Variants in CENPO observed in about 807,000 individuals in gnomAD.
CENPO encodes the protein centromere protein O.
Under a neutral mutation model 36.1 loss-of-function variants are expected in CENPO, and 30 were observed. The ratio of observed to expected loss-of-function variants is 0.83; its 90% CI spans 0.62 to 1.13. CENPO has a LOEUF of 1.13. Among genes scored for constraint, CENPO ranks in the 50% most tolerant of loss-of-function variants. The probability of loss-of-function intolerance (pLI) is 0.00; values close to 1 mark genes in which losing one functional copy is unlikely to be tolerated. For synonymous variants in CENPO, 171 were observed against 142.3 expected (o/e 1.20, Z -1.44); for missense variants, 349 against 357.8 (o/e 0.98, Z 0.20).
chr2:24,821,367 G>T lies in CENPO; in HGVS notation c.*2049G>T. On this transcript the variant is annotated 3_prime_UTR_variant, in exon 8 of 8. Coordinates refer to ENST00000380834, the MANE Select transcript of CENPO (RefSeq NM_001322101.2). ...TCATCTAGAGTCGTCTGGACTAAAG[G>T]TCTTTCAGGTCTCCTTGCCCTGTGA... 1 of 1,166,196 alleles carries T rather than the reference G, an allele frequency of 8.6e-7. No individual in the cohort carries two copies. The highest frequency in any genetic ancestry group is 1.2e-6 in the Non-Finnish European group (1 of 830,036). 72.2% of individuals were successfully genotyped at this position (1,166,196 alleles called of 1,614,324 possible).
intron 3 of CENPO, among the ~76,000 whole-genome samples, chr2:24,800,192 C>T (rs890660225): frequency 1.3e-5 from 2 of 152,062 alleles, no homozygotes; most frequent in East Asian, 1.9e-4. Flanking sequence ...GGCTGAGGCA[C>T]GAATTGCACC....
At chr2:24,809,837 A>G (rs1464774404) in intron 3 of CENPO, among the ~76,000 whole-genome samples, 1 of 151,988 alleles carries the variant, frequency 6.6e-6, no homozygotes, top group East Asian at 1.9e-4. Flanking sequence ...GTTGGCTCTT[A>G]TATTCTACAT....
intron 3 of CENPO, among the ~76,000 whole-genome samples, chr2:24,806,321 A>G (rs559756459): frequency 1.8e-4 from 28 of 152,172 alleles, no homozygotes; most frequent in African/African-American, 4.6e-4. Flanking sequence ...GTGTGCTGCA[A>G]CCACTGTCCT....
chr2:24,814,438 A>G lies in CENPO; in HGVS notation c.279A>G (p.Ala93=). Residue 93 remains alanine (A), a synonymous_variant, in exon 4 of 8, where the codon GCA becomes GCG. Coordinates refer to ENST00000380834, the MANE Select transcript of CENPO (RefSeq NM_001322101.2). ...CAGTGGAGATCAATGAGCAAGAAGC[A>G]TTGGAAGAGAAATTGGAAAATGTGA... is the stretch of plus-strand genomic sequence containing the variant. ...NQTVEINEQE[A]LEEKLENVKA... is the part of the protein sequence containing the mutation. 1.2e-6 allele frequency: 2 copies of G among 1,608,846 alleles called. No individual in the cohort carries two copies. Among genetic ancestry groups the G allele is most frequent in the Non-Finnish European group, 1.7e-6 (2 of 1,175,162 alleles).
chr2:24,795,185 A>C (rs1665838343), intron 2 of CENPO, among the ~76,000 whole-genome samples: 1 of 152,204 alleles, frequency 6.6e-6, no homozygotes. Context: ...TTGGATTATC[A>C]AGAGACTTAG....
At chr2:24,816,536 G>T in intron 5 of CENPO, 110 bp from the exon 6 acceptor site, 1 of 724,196 alleles carries the variant, frequency 1.4e-6, no homozygotes. Flanking sequence ...TTATTTCTCT[G>T]AAATGTAATC....
chr2:24,815,206 C>T (rs986893030), intron 4 of CENPO, among the ~76,000 whole-genome samples: 2 of 150,468 alleles, frequency 1.3e-5, no homozygotes, highest in African/African-American at 4.9e-5. Flanking sequence ...CCACCGCACT[C>T]CAGCCTGGGT....
chr2:24,821,320 A>G lies in CENPO; in HGVS notation c.*2002A>G, dbSNP rs1306672642. On this transcript the variant is annotated 3_prime_UTR_variant, in exon 8 of 8. Transcript: ENST00000380834. ...AGGCACAGTATAGTCGGATCATCAC[A>G]TCAGCTGGGTTTTTGGTTTAGTCAT... 2.2e-5 allele frequency: 15 copies of G among 692,400 alleles called. No homozygotes were observed. Among genetic ancestry groups the G allele is most frequent in the Non-Finnish European group, 3.5e-5 (15 of 424,616 alleles). 42.9% of individuals were successfully genotyped at this position (692,400 alleles called of 1,614,324 possible).
intron 3 of CENPO, among the ~76,000 whole-genome samples, chr2:24,801,170 GGTT>G (rs1666147353): frequency 1.3e-5 from 2 of 152,118 alleles, no homozygotes. Context: ...TTTTTGATGG[GGTT>G]GTTTGTTTTT....
chr2:24,817,355 G>A (rs1412516281), intron 6 of CENPO, among the ~76,000 whole-genome samples: 1 of 151,640 alleles, frequency 6.6e-6, no homozygotes, highest in Non-Finnish European at 1.5e-5. Flanking sequence ...CAGAAATTTT[G>A]AAGCTGCCCC....
chr2:24,807,558 G>T (rs1480211358), intron 3 of CENPO, among the ~76,000 whole-genome samples: 1 of 152,132 alleles, frequency 6.6e-6, no homozygotes, highest in Non-Finnish European at 1.5e-5. Context: ...GGTTATTGGG[G>T]TTATTTCACT....
Position 24,814,562 on chromosome 2 carries a change from T to TATC in CENPO, c.334+71_334+73dup. 1.0e-5 allele frequency: 8 copies of TATC among 785,064 alleles called. No individual in the cohort carries two copies. In the South Asian group the frequency reaches 1.1e-4, roughly 11 times the overall value. 48.6% of individuals were successfully genotyped at this position (785,064 alleles called of 1,614,324 possible). ...TAGTGAGTTAGTTTGCTAGATGTGT[T>TATC]ATCAGTCCTGGAATTATTTCATAAT... is the stretch of plus-strand genomic sequence containing the variant. On this transcript the variant is annotated intron_variant, in intron 4 of 7. Coordinates refer to ENST00000380834, the MANE Select transcript of CENPO (RefSeq NM_001322101.2).
At chr2:24,818,202 C>T (rs1182846899) in intron 7 of CENPO, among the ~76,000 whole-genome samples, 1 of 152,166 alleles carries the variant, frequency 6.6e-6, no homozygotes, top group Non-Finnish European at 1.5e-5. Context: ...GTAACTGCTA[C>T]TAATTTAATG....
chr2:24,802,918 T>C (rs1322173092), intron 3 of CENPO, among the ~76,000 whole-genome samples: 1 of 152,226 alleles, frequency 6.6e-6, no homozygotes, highest in Non-Finnish European at 1.5e-5. Flanking sequence ...AGCTCCTCCT[T>C]GTACCTCTGG....
chr2:24,799,701 G>A lies in CENPO; in HGVS notation c.73G>A (p.Glu25Lys). Residue 25 changes from glutamate to lysine, a missense_variant, in exon 3 of 8, where the codon GAG (glutamate) becomes AAG (lysine). Physicochemically the swap from Glu to Lys is moderately conservative, Grantham distance 56. Coordinates refer to ENST00000380834, the MANE Select transcript of CENPO (RefSeq NM_001322101.2). ...TGTTTTAGCTCACTTGGAAAGGCTA[G>A]AGACCCAAGTGAGCAGATCCCGTAA... Reference protein sequence around the residue: ...GGVLAHLERLETQVSRSRKQS... With the variant: ...GGVLAHLERLKTQVSRSRKQS... The A allele has an allele frequency of 1.2e-6, 2 of 1,613,878 alleles. No homozygotes were observed. The highest frequency in any genetic ancestry group is 1.1e-5 in the South Asian group (1 of 91,054).
At position 24,819,998 on chromosome 2, in the gene CENPO, A is replaced by C; in HGVS notation, c.*680A>C. 6.2e-7 allele frequency: 1 copy of C among 1,613,004 alleles called. No individual in the cohort carries two copies. The highest frequency in any genetic ancestry group is 8.5e-7 in the Non-Finnish European group (1 of 1,179,500). On this transcript the variant is annotated 3_prime_UTR_variant, in exon 8 of 8. Transcript: ENST00000380834. ...GGCCATTGGGGAAGGTGGCTAGCTT[A>C]TCCCGCCCCTTCAAGAAGAAGGTCA...
intron 3 of CENPO, among the ~76,000 whole-genome samples, chr2:24,811,991 T>C (rs1666715023): frequency 6.6e-6 from 1 of 152,230 alleles, no homozygotes; most frequent in South Asian, 2.1e-4. Flanking sequence ...CAACATTCCT[T>C]TAGTGTTAGA....
chr2:24,815,977 C>T (rs1666922696), intron 5 of CENPO: 3 of 552,282 alleles, frequency 5.4e-6, no homozygotes, highest in Non-Finnish European at 6.5e-6. Context: ...GGATTATGCA[C>T]CCCTGAATGG....
In CENPO at chr2:24,794,093, A is replaced by G. The variant is rs562346403; in HGVS notation, c.46+128A>G. On this transcript the variant is annotated intron_variant, in intron 2 of 7. Transcript: ENST00000380834. ...GGGAGCAGAATAGTGAAAGGAACTA[A>G]CATTGAAGACAAAGGGACAGGCAGC... The G allele has an allele frequency of 5.9e-5, 45 of 761,392 alleles. 1 individual carries two copies. The South Asian group carries it at 6.2e-4, about 10-fold the overall frequency. The allele number at this position is 761,392 out of a possible 1,614,324, so 47.2% of individuals were successfully genotyped here. A position where few individuals can be genotyped will look rare whatever the true frequency, so the allele number is the denominator to read the frequency against.
Sources: gnomAD v4.1 joint callset for allele counts (sites outside exome capture counted in the v4.1 genomes callset) on GRCh38, gnomAD v4.1.1 for gene constraint, MANE v1.5 for transcripts, NCBI Gene and HGNC (gene_info 2026-07-23, HGNC 2026-07-21) for gene names.